Variants in SUPT3H observed in about 807,000 individuals in gnomAD.
The protein encoded by SUPT3H is transcription initiation protein SPT3 homolog.
Under a neutral mutation model 44.3 loss-of-function variants are expected in SUPT3H, and 44 were observed. The ratio of observed to expected loss-of-function variants is 0.99; its 90% CI spans 0.78 to 1.28. The LOEUF is 1.28. Among genes scored for constraint, SUPT3H ranks in the 50% most tolerant of loss-of-function variants. The pLI, the probability that SUPT3H is intolerant of heterozygous loss-of-function variation, is 0.00. For missense variants in SUPT3H, 380 were observed against 387.1 expected (o/e 0.98, Z 0.15); for synonymous variants, 124 against 125.6 (o/e 0.99, Z 0.09).
intron 2 of SUPT3H, among the ~76,000 whole-genome samples, chr6:45,132,817 C>T (rs1285006): frequency 0.87 from 132,316 of 152,168 alleles, 57,769 homozygotes; most frequent in African/African-American, 0.91. Flanking sequence ...CTAACAATAA[C>T]AGAAATGATC....
At chr6:44,980,617 T>A in intron 6 of SUPT3H, among the ~76,000 whole-genome samples, 1 of 152,208 alleles carries the variant, frequency 6.6e-6, no homozygotes, top group East Asian at 1.9e-4. Context: ...AGAACATGGA[T>A]ACTGAGTGGC....
intron 10 of SUPT3H, among the ~76,000 whole-genome samples, chr6:44,902,371 G>A (rs1005133958): frequency 2.5e-4 from 38 of 152,092 alleles, no homozygotes; most frequent in African/African-American, 8.9e-4. Flanking sequence ...AGGATTGCAG[G>A]GGTTGCAATC....
At chr6:45,122,819 C>G (rs535517243) in intron 2 of SUPT3H, among the ~76,000 whole-genome samples, 2 of 152,226 alleles carry the variant, frequency 1.3e-5, no homozygotes, top group East Asian at 3.9e-4. Context: ...ACCCCATGAA[C>G]AAGAATAATC....
chr6:45,060,868 T>C (rs940076425), intron 3 of SUPT3H, among the ~76,000 whole-genome samples: 2 of 152,102 alleles, frequency 1.3e-5, no homozygotes, highest in African/African-American at 4.8e-5. Context: ...CACTGATCAT[T>C]AGAGAAGTGT....
intron 7 of SUPT3H, 131 bp from the exon 8 acceptor site, chr6:44,954,738 A>G: frequency 1.6e-6 from 1 of 625,802 alleles, no homozygotes; most frequent in South Asian, 2.0e-5. Flanking sequence ...AAAATGCATA[A>G]TTAATGTCTA....
chr6:44,893,369 C>A lies in SUPT3H; in HGVS notation c.912+39284G>T, dbSNP rs541135145. Among the ~76,000 whole-genome samples, 223 of 151,968 alleles carry A rather than the reference C, an allele frequency of 1.5e-3. 1 individual carries two copies. The highest frequency in any genetic ancestry group is 5.1e-3 in the African/African-American group (211 of 41,464). ...ATTAGCTATATCTCCCAATGCTATC[C>A]CTCCCCCCTGCCCCCACCCCACAAC... On this transcript the variant is annotated intron_variant, in intron 10 of 10. Coordinates refer to ENST00000371459, the MANE Select transcript of SUPT3H (RefSeq NM_003599.4).
intron 2 of SUPT3H, among the ~76,000 whole-genome samples, chr6:45,269,566 T>C (rs1335041947): frequency 1.3e-5 from 2 of 152,174 alleles, no homozygotes; most frequent in Non-Finnish European, 2.9e-5. Flanking sequence ...TCAACCGACA[T>C]TTGAATGGTT....
chr6:45,323,074 C>A, intron 2 of SUPT3H: 1 of 681,164 alleles, frequency 1.5e-6, no homozygotes, highest in East Asian at 3.0e-5. Flanking sequence ...AATTACTGTG[C>A]CGGTTGTGAA....
Position 44,827,325 on chromosome 6 carries a change from G to A in SUPT3H, c.*2491C>T, listed in dbSNP as rs1767873670. Among the ~76,000 whole-genome samples, 2 of 152,052 alleles carry A rather than the reference G, an allele frequency of 1.3e-5. No individual in the cohort carries two copies. Among genetic ancestry groups the A allele is most frequent in the Non-Finnish European group, 2.9e-5 (2 of 67,974 alleles). On this transcript the variant is annotated 3_prime_UTR_variant, in exon 11 of 11. Coordinates refer to ENST00000371459, the MANE Select transcript of SUPT3H (RefSeq NM_003599.4). Reference sequence around the variant, plus strand: ...AGTTTTTAAATAAATTTACATCGTTGTCTAGGATAAATATGCCATAAAACC... The same window carrying A: ...AGTTTTTAAATAAATTTACATCGTTATCTAGGATAAATATGCCATAAAACC...
intron 10 of SUPT3H, among the ~76,000 whole-genome samples, chr6:44,842,919 C>T (rs759306298): frequency 2.0e-5 from 3 of 151,862 alleles, no homozygotes; most frequent in Non-Finnish European, 4.4e-5. Flanking sequence ...AAAAGACCCA[C>T]GTCTACTGAC....
At position 45,089,586 on chromosome 6, in the gene SUPT3H, C is replaced by T. The variant is rs559553188; in HGVS notation, c.186+16336G>A. Among the ~76,000 whole-genome samples, 45 of 152,122 alleles carry T rather than the reference C, an allele frequency of 3.0e-4. No homozygotes were observed. In the South Asian group the frequency reaches 7.5e-3, roughly 25 times the overall value. On this transcript the variant is annotated intron_variant, in intron 3 of 10. Coordinates refer to ENST00000371459, the MANE Select transcript of SUPT3H (RefSeq NM_003599.4). ...CACAAATCTGTCATTCTCCCAATTG[C>T]TTAGGAAATATCTCTGACTTGCTCT...
chr6:44,945,273 C>G (rs1196210854), intron 9 of SUPT3H, among the ~76,000 whole-genome samples: 1 of 152,140 alleles, frequency 6.6e-6, no homozygotes, highest in South Asian at 2.1e-4. Flanking sequence ...CCCTGAGACA[C>G]AACAATACTG....
intron 6 of SUPT3H, among the ~76,000 whole-genome samples, chr6:44,983,463 A>C (rs1410222732): frequency 6.6e-6 from 1 of 152,200 alleles, no homozygotes; most frequent in Non-Finnish European, 1.5e-5. Context: ...ATATTCTTTG[A>C]GAAAAGCATA....
chr6:44,877,151 T>G (rs1490227400), intron 10 of SUPT3H, among the ~76,000 whole-genome samples: 1 of 152,214 alleles, frequency 6.6e-6, no homozygotes, highest in Non-Finnish European at 1.5e-5. Context: ...TTACAAAATG[T>G]TATTTTAATG....
intron 3 of SUPT3H, among the ~76,000 whole-genome samples, chr6:45,083,587 G>A (rs1278655034): frequency 6.6e-6 from 1 of 151,558 alleles, no homozygotes. Flanking sequence ...ACCCCAATTA[G>A]AAAAAACTCT....
chr6:44,996,515 C>T, intron 6 of SUPT3H, among the ~76,000 whole-genome samples: 1 of 151,548 alleles, frequency 6.6e-6, no homozygotes, highest in East Asian at 1.9e-4. Flanking sequence ...CCAAACTGGG[C>T]TCTGAGTGAC....
rs898451809 is a variant in SUPT3H at position 44,826,827 on chromosome 6, C to A, written c.*2989G>T. ...ATTATTTTATAAAAACAAAGAACAG[C>A]AATAAATGAAGGGTTCTCCCCAGAT... On this transcript the variant is annotated 3_prime_UTR_variant, in exon 11 of 11. Coordinates refer to ENST00000371459, the MANE Select transcript of SUPT3H (RefSeq NM_003599.4). Among the ~76,000 whole-genome samples, 2 of 152,104 alleles carry A rather than the reference C, an allele frequency of 1.3e-5. No individual in the cohort carries two copies. Among genetic ancestry groups the A allele is most frequent in the African/African-American group, 4.8e-5 (2 of 41,432 alleles).
At chr6:44,892,815 C>T (rs1200828786) in intron 10 of SUPT3H, among the ~76,000 whole-genome samples, 5 of 152,162 alleles carry the variant, frequency 3.3e-5, no homozygotes, top group African/African-American at 1.2e-4. Context: ...CTTTTCACCA[C>T]AGCACATGGC....
intron 10 of SUPT3H, among the ~76,000 whole-genome samples, chr6:44,918,419 T>C (rs547667196): frequency 2.6e-5 from 4 of 152,346 alleles, no homozygotes; most frequent in Admixed American, 2.6e-4. Flanking sequence ...TTCATCACTT[T>C]AGTCTGGACT....
Sources: gnomAD v4.1 joint callset for allele counts (sites outside exome capture counted in the v4.1 genomes callset) on GRCh38, gnomAD v4.1.1 for gene constraint, MANE v1.5 for transcripts, NCBI Gene and HGNC (gene_info 2026-07-23, HGNC 2026-07-21) for gene names.